HEMK2: variants seen among roughly 807,000 people sequenced by gnomAD.
The protein encoded by HEMK2 is HemK methyltransferase 2, ETF1 glutamine and histone H4 lysine, also known as methyltransferase HEMK2.
At chr21:28,669,430 A>G in the HEMK2 span, among the ~76,000 whole-genome samples, 2 of 152,104 alleles carry the variant, frequency 1.3e-5, no homozygotes, top group Non-Finnish European at 2.9e-5. Flanking sequence ...GTGTTTTCAT[A>G]TCTTTGCCAT....
chr21:28,874,693 G>A, the HEMK2 span: 1 of 152,200 alleles, frequency 6.6e-6, no homozygotes, highest in Non-Finnish European at 1.5e-5. Flanking sequence ...CCTTTGGTGA[G>A]CATTCACATG....
the HEMK2 span, among the ~76,000 whole-genome samples, chr21:28,718,961 TC>T: frequency 6.6e-6 from 1 of 152,124 alleles, no homozygotes; most frequent in African/African-American, 2.4e-5. Flanking sequence ...TCACTCACAA[TC>T]TTATGCTTTT....
At chr21:28,771,899 C>A in the HEMK2 span, among the ~76,000 whole-genome samples, 1 of 151,500 alleles carries the variant, frequency 6.6e-6, no homozygotes, top group East Asian at 2.0e-4. Flanking sequence ...AATCCTGTCC[C>A]AAGAAAGGGG....
chr21:28,606,064 T>C, the HEMK2 span, among the ~76,000 whole-genome samples: 1 of 152,114 alleles, frequency 6.6e-6, no homozygotes, highest in South Asian at 2.1e-4. Flanking sequence ...AAAGAGAAAC[T>C]GCAGACCTGA....
chr21:28,684,358 T>C, the HEMK2 span, among the ~76,000 whole-genome samples: 1 of 152,230 alleles, frequency 6.6e-6, no homozygotes, highest in Non-Finnish European at 1.5e-5. Flanking sequence ...AATTCATCCA[T>C]CTGAATTTCC....
chr21:28,642,923 G>T, the HEMK2 span, among the ~76,000 whole-genome samples: 1 of 152,150 alleles, frequency 6.6e-6, no homozygotes, highest in Non-Finnish European at 1.5e-5. Flanking sequence ...GGGCAAAAAG[G>T]CAACATTTGG....
chr21:28,725,579 A>C, the HEMK2 span, among the ~76,000 whole-genome samples: 1 of 152,186 alleles, frequency 6.6e-6, no homozygotes, highest in African/African-American at 2.4e-5. Context: ...ACCAGACAAG[A>C]GTGAGGGCTT....
the HEMK2 span, among the ~76,000 whole-genome samples, chr21:28,768,351 C>T: frequency 2.6e-5 from 4 of 152,110 alleles, no homozygotes; most frequent in African/African-American, 9.7e-5. Flanking sequence ...GTGTAGCATG[C>T]AGCATCCAGC....
the HEMK2 span, among the ~76,000 whole-genome samples, chr21:28,864,927 C>G: frequency 4.4e-5 from 1 of 22,570 alleles, no homozygotes; most frequent in Non-Finnish European, 1.2e-4. Flanking sequence ...GATAGATAGA[C>G]AGACAGACAG....
chr21:28,647,321 TAAAAAAA>T, the HEMK2 span, among the ~76,000 whole-genome samples: 5 of 46,442 alleles, frequency 1.1e-4, no homozygotes, highest in Non-Finnish European at 1.5e-4. Flanking sequence ...CCATCTCTAC[TAAAAAAA>T]AAAAAAAAAA....
At chr21:28,632,343 T>C in the HEMK2 span, among the ~76,000 whole-genome samples, 9 of 152,240 alleles carry the variant, frequency 5.9e-5, no homozygotes, top group Admixed American at 5.9e-4. Context: ...TCCTAGCTTT[T>C]ATCAGAGTAA....
the HEMK2 span, among the ~76,000 whole-genome samples, chr21:28,784,100 C>A: frequency 1.3e-5 from 2 of 152,228 alleles, no homozygotes; most frequent in African/African-American, 4.8e-5. Context: ...CCCAGCTCCA[C>A]AGCGCCTGGT....
chr21:28,626,710 T>A, the HEMK2 span: 8 of 151,992 alleles, frequency 5.3e-5, no homozygotes, highest in East Asian at 3.9e-4. Context: ...AAGTTAAAAA[T>A]TTTTTTAAAA....
the HEMK2 span, among the ~76,000 whole-genome samples, chr21:28,666,091 T>C: frequency 6.6e-6 from 1 of 152,252 alleles, no homozygotes; most frequent in Non-Finnish European, 1.5e-5. Context: ...ATATTTTAAA[T>C]TAGAATCTAT....
the HEMK2 span, among the ~76,000 whole-genome samples, chr21:28,831,522 A>G: frequency 4.8e-4 from 25 of 51,706 alleles, no homozygotes; most frequent in African/African-American, 1.4e-3. Context: ...AAAGAAAGAA[A>G]GAAGGAAAGA....
At chr21:28,743,864 A>G in the HEMK2 span, among the ~76,000 whole-genome samples, 1 of 152,208 alleles carries the variant, frequency 6.6e-6, no homozygotes, top group East Asian at 1.9e-4. Flanking sequence ...TGAGACTATC[A>G]AAGAAAATAG....
chr21:28,771,365 G>A, the HEMK2 span, among the ~76,000 whole-genome samples: 1 of 152,136 alleles, frequency 6.6e-6, no homozygotes, highest in Non-Finnish European at 1.5e-5. Flanking sequence ...CTCAACCAGA[G>A]GTTATTTGCA....
At chr21:28,765,352 G>A in the HEMK2 span, among the ~76,000 whole-genome samples, 29,413 of 152,024 alleles carry the variant, frequency 0.19, 3,227 homozygotes, top group East Asian at 0.41. Context: ...CTCAAACTCC[G>A]GATGTACAGA....
the HEMK2 span, among the ~76,000 whole-genome samples, chr21:28,601,550 T>C: frequency 6.6e-6 from 1 of 152,024 alleles, no homozygotes; most frequent in Non-Finnish European, 1.5e-5. Flanking sequence ...TGGCAATTCC[T>C]ATCTCCTCCC....
Sources: allele counts gnomAD v4.1 joint callset (sites outside exome capture counted in the v4.1 genomes callset), GRCh38; gene constraint gnomAD v4.1.1; transcripts MANE v1.5; gene names NCBI Gene and HGNC (gene_info 2026-07-23, HGNC 2026-07-21).